SRPK1: variants seen among roughly 807,000 people sequenced by gnomAD.
The protein encoded by SRPK1 is SRSF protein kinase 1.
A neutral mutation model predicts 89.5 loss-of-function variants in SRPK1; 52 were observed. The ratio of observed to expected loss-of-function variants is 0.58; its 90% confidence interval spans 0.46 to 0.73. The LOEUF (loss-of-function observed/expected upper bound fraction) is 0.73, where lower values mean the gene tolerates loss of function less well. SRPK1 is among the 30% of genes least tolerant of loss of function. SRPK1 has a pLI of 0.00. For missense variants in SRPK1, 603 were observed against 780.6 expected, an observed-to-expected ratio of 0.77 and a Z score of 2.71; for synonymous variants, 255 against 270.2, an observed-to-expected ratio of 0.94 and a Z score of 0.55.
intron 6 of SRPK1, among the ~76,000 whole-genome samples, chr6:35,878,730 G>C (rs1582013152): frequency 6.6e-6 from 1 of 152,042 alleles, no homozygotes; most frequent in Non-Finnish European, 1.5e-5. Flanking sequence ...AGATTTAAAG[G>C]GCCAGTGCCC....
At chr6:35,894,320 G>C (rs1271701368) in intron 2 of SRPK1, among the ~76,000 whole-genome samples, 1 of 152,148 alleles carries the variant, frequency 6.6e-6, no homozygotes, top group Non-Finnish European at 1.5e-5. Context: ...AAGTCAGAAA[G>C]AAGTTCTAGA....
intron 6 of SRPK1, among the ~76,000 whole-genome samples, chr6:35,885,420 G>C (rs1770388285): frequency 6.6e-6 from 1 of 151,952 alleles, no homozygotes; most frequent in South Asian, 2.1e-4. Context: ...TCTGTGATTT[G>C]TATTTTTCTA....
intron 6 of SRPK1, among the ~76,000 whole-genome samples, chr6:35,880,669 G>A (rs1770253910): frequency 7.2e-6 from 1 of 137,956 alleles, no homozygotes; most frequent in Admixed American, 7.7e-5. Flanking sequence ...GCAGTGAGCG[G>A]AGATTGCACC....
At chr6:35,861,741 A>G (rs1488036833) in intron 12 of SRPK1, among the ~76,000 whole-genome samples, 1 of 152,186 alleles carries the variant, frequency 6.6e-6, no homozygotes. Context: ...CTGAGGAGGG[A>G]CAGGAAAACC....
intron 13 of SRPK1, chr6:35,856,880 T>C (rs146865167): frequency 4.1e-4 from 66 of 162,926 alleles, no homozygotes; most frequent in South Asian, 7.6e-4. Flanking sequence ...GAGGAGCTGC[T>C]GAATTGTACA....
chr6:35,898,495 A>G (rs1419062541), intron 2 of SRPK1, among the ~76,000 whole-genome samples: 3 of 152,228 alleles, frequency 2.0e-5, no homozygotes, highest in African/African-American at 7.2e-5. Context: ...CATGTAATAA[A>G]AACCACCTGT....
In SRPK1 at chr6:35,880,742, A is replaced by AAAAAAAAAAAGAAAGAAAG; in HGVS notation, c.478+5981_478+5982insCTTTCTTTCTTTTTTTTTT. ...CTCAAAAAAAAAAAAAAAGAAAAAA[A>AAAAAAAAAAAGAAAGAAAG]AAAAAAAAGAAAAGAAAAGAAGAAG... On this transcript the variant is annotated intron_variant, in intron 6 of 15. Coordinates refer to ENST00000373825, the MANE Select transcript of SRPK1 (RefSeq NM_003137.5). Among the ~76,000 whole-genome samples the AAAAAAAAAAAGAAAGAAAG allele has an allele frequency of 3.4e-3, 95 of 28,164 alleles. 5 individuals carry two copies. Among genetic ancestry groups the AAAAAAAAAAAGAAAGAAAG allele is most frequent in the Middle Eastern group, 0.038 (1 of 26 alleles). The allele number at this position is 28,164 out of a possible 152,430, so 18.5% of individuals were successfully genotyped here. A position where few individuals can be genotyped will look rare whatever the true frequency, so the allele number is the denominator to read the frequency against.
At chr6:35,857,171 T>A in intron 13 of SRPK1, 90 bp downstream of exon 13, 1 of 894,016 alleles carries the variant, frequency 1.1e-6, no homozygotes, top group Admixed American at 2.1e-5. Flanking sequence ...CGTTCTTTTC[T>A]GCTAGTTAAT....
chr6:35,895,184 T>G (rs1349414871), intron 2 of SRPK1, among the ~76,000 whole-genome samples: 1 of 152,112 alleles, frequency 6.6e-6, no homozygotes, highest in South Asian at 2.1e-4. Context: ...GTTATGTAAT[T>G]ATAGCACAAG....
At chr6:35,860,355 G>C (rs1302080456) in intron 12 of SRPK1, among the ~76,000 whole-genome samples, 1 of 152,174 alleles carries the variant, frequency 6.6e-6, no homozygotes, top group Non-Finnish European at 1.5e-5. Context: ...AATTAACAGA[G>C]TAGGCTTGTT....
intron 10 of SRPK1, among the ~76,000 whole-genome samples, 172 bp from the exon 11 acceptor site, chr6:35,870,073 T>C (rs1335229277): frequency 1.3e-5 from 2 of 152,230 alleles, no homozygotes; most frequent in Non-Finnish European, 2.9e-5. Flanking sequence ...TTTTACCCAA[T>C]TGTTAAATGA....
rs538338620 is a variant in SRPK1 at position 35,863,468 on chromosome 6, AAATT to A, written c.1512+5538_1512+5541del. 1.9e-3 allele frequency among the ~76,000 whole-genome samples: 287 copies of A among 151,246 alleles called. 7 individuals are homozygous for A. The South Asian group carries it at 0.025, about 13-fold the overall frequency. On this transcript the variant is annotated intron_variant, in intron 12 of 15. Coordinates refer to ENST00000373825, the MANE Select transcript of SRPK1 (RefSeq NM_003137.5). ...ACCCTGTTTCTTAAAAAAAAAAAAA[AAATT>A]AATTAATTAATTAAATGAATGAATA...
At chr6:35,899,239 T>C (rs1410806195) in intron 2 of SRPK1, among the ~76,000 whole-genome samples, 2 of 152,180 alleles carry the variant, frequency 1.3e-5, no homozygotes, top group Non-Finnish European at 2.9e-5. Flanking sequence ...TTTTTTCCAA[T>C]GGCCTACAAG....
chr6:35,880,746 A>AGAAAAAAAAG (rs765099755), intron 6 of SRPK1, among the ~76,000 whole-genome samples: 1 of 89,204 alleles, frequency 1.1e-5, no homozygotes, highest in African/African-American at 4.5e-5. Context: ...AAAAAAAAAA[A>AGAAAAAAAAG]AAAAGAAAAG....
intron 2 of SRPK1, among the ~76,000 whole-genome samples, chr6:35,900,531 T>C (rs1387729127): frequency 6.6e-6 from 1 of 152,196 alleles, no homozygotes; most frequent in Admixed American, 6.5e-5. Flanking sequence ...AGCCCTAATT[T>C]ATCTGAACCT....
rs752314850 is a variant in SRPK1 at position 35,888,146 on chromosome 6, G to A, written c.303-35C>T. 7.8e-6 allele frequency: 11 copies of A among 1,419,002 alleles called. No individual in the cohort carries two copies. In the East Asian group the frequency reaches 2.1e-4, roughly 27 times the overall value. 87.9% of individuals were successfully genotyped at this position (1,419,002 alleles called of 1,614,324 possible). The stretch of plus-strand genomic sequence containing the variant: ...AAACACAGGCAATTAAGACTACATA[G>A]CCTACCCTTACTTTAGGAAGCTAAG... On this transcript the variant is annotated intron_variant, in intron 4 of 15. Coordinates refer to ENST00000373825, the MANE Select transcript of SRPK1 (RefSeq NM_003137.5).
intron 6 of SRPK1, among the ~76,000 whole-genome samples, chr6:35,879,703 A>G (rs546789099): frequency 1.3e-5 from 2 of 152,296 alleles, no homozygotes; most frequent in Admixed American, 1.3e-4. Flanking sequence ...AAACGACAAA[A>G]ATAAATCAAC....
chr6:35,869,147 T>C (rs748915487), intron 11 of SRPK1, 37 bp from the exon 12 acceptor site: 2 of 1,526,072 alleles, frequency 1.3e-6, no homozygotes, highest in Non-Finnish European at 1.8e-6. Flanking sequence ...GACTGTTCAA[T>C]GAACAGAGAA....
chr6:35,885,174 AAAT>A (rs1368312630), intron 6 of SRPK1, among the ~76,000 whole-genome samples: 1 of 151,914 alleles, frequency 6.6e-6, no homozygotes, highest in Non-Finnish European at 1.5e-5. Context: ...TTACAAGATT[AAAT>A]AATAGAAAAA....
Sources: allele counts gnomAD v4.1 joint callset (sites outside exome capture counted in the v4.1 genomes callset), GRCh38; gene constraint gnomAD v4.1.1; transcripts MANE v1.5; gene names NCBI Gene and HGNC (gene_info 2026-07-23, HGNC 2026-07-21).